The following PRMT9 variants were observed in gnomAD, a reference collection of about 807,000 sequenced individuals.
PRMT9 encodes the protein protein arginine N-methyltransferase 9.
A neutral mutation model predicts 83.2 loss-of-function variants in PRMT9; 59 were observed. That is an observed-to-expected ratio of 0.71 (90% CI 0.57 to 0.88). The LOEUF is 0.88. Ranked by LOEUF, PRMT9 falls within the 40% of genes least tolerant of loss-of-function variation. The probability of loss-of-function intolerance (pLI) is 0.00; values close to 1 mark genes in which losing one functional copy is unlikely to be tolerated. For missense variants in PRMT9, 947 were observed against 1,021.9 expected, an observed-to-expected ratio of 0.93 and a Z score of 1.00; for synonymous variants, 333 against 353.2, an observed-to-expected ratio of 0.94 and a Z score of 0.64.
chr4:147,650,501 A>G (rs1734020674), intron 9 of PRMT9, among the ~76,000 whole-genome samples: 1 of 152,240 alleles, frequency 6.6e-6, no homozygotes, highest in South Asian at 2.1e-4. Flanking sequence ...TTGTACACTG[A>G]AAACTATAAA....
intron 6 of PRMT9, among the ~76,000 whole-genome samples, chr4:147,663,891 G>A (rs967730826): frequency 1.3e-5 from 2 of 151,938 alleles, no homozygotes; most frequent in African/African-American, 2.4e-5. Flanking sequence ...TATTCATCAT[G>A]CCTATTTATC....
At chr4:147,670,814 G>A in intron 4 of PRMT9, 71 bp from the exon 5 acceptor site, 2 of 972,238 alleles carry the variant, frequency 2.1e-6, no homozygotes, top group Non-Finnish European at 3.3e-6. Flanking sequence ...TCAAAGCTGA[G>A]AGGAGAAAGG....
chr4:147,668,987 G>C (rs987825351), intron 5 of PRMT9, among the ~76,000 whole-genome samples: 3 of 152,112 alleles, frequency 2.0e-5, no homozygotes, highest in Non-Finnish European at 4.4e-5. Context: ...TTGGGAGGCT[G>C]AGGCAGGAGA....
intron 1 of PRMT9, among the ~76,000 whole-genome samples, chr4:147,681,522 C>T (rs1736468155): frequency 6.6e-6 from 1 of 152,196 alleles, no homozygotes; most frequent in African/African-American, 2.4e-5. Flanking sequence ...CACGGTGGCT[C>T]ATGCCTGTAA....
chr4:147,677,287 C>T (rs1449551164), intron 2 of PRMT9, among the ~76,000 whole-genome samples: 2 of 151,332 alleles, frequency 1.3e-5, no homozygotes, highest in East Asian at 1.9e-4. Context: ...ATGGAGAGTA[C>T]ACAAAAATTC....
chr4:147,672,395 C>T (rs1315117199), intron 4 of PRMT9, among the ~76,000 whole-genome samples: 1 of 152,200 alleles, frequency 6.6e-6, no homozygotes, highest in Non-Finnish European at 1.5e-5. Context: ...TAGTGTGGAA[C>T]CAGATCATTT....
In PRMT9 at chr4:147,639,033, A is replaced by C; in HGVS notation, c.2249T>G (p.Leu750Ter). The change falls in exon 11 of 12, where the codon TTA becomes TGA. Residue 750 changes from leucine to a stop codon, truncating the protein, a stop_gained. Transcript: ENST00000322396. LOFTEE classifies it high-confidence loss of function. The stretch of plus-strand genomic sequence containing the variant: ...TCTTAAGAGTTCCACTGGCTTGCTT[A>C]AAGGTATACAGGGCAATGAGGATAG... ...LDLSSLPCIP[L>*]SKPVELLRLD... The C allele has an allele frequency of 6.2e-7, 1 of 1,612,948 alleles. No homozygotes were observed. Among genetic ancestry groups the C allele is most frequent in the African/African-American group, 1.3e-5 (1 of 75,028 alleles).
chr4:147,662,346 A>G (rs1267087804), intron 6 of PRMT9, among the ~76,000 whole-genome samples: 1 of 152,216 alleles, frequency 6.6e-6, no homozygotes, highest in African/African-American at 2.4e-5. Context: ...GGCACTGGTA[A>G]AGAGATGGGG....
chr4:147,660,257 A>C (rs921001631), intron 7 of PRMT9, among the ~76,000 whole-genome samples: 1 of 152,222 alleles, frequency 6.6e-6, no homozygotes, highest in African/African-American at 2.4e-5. Flanking sequence ...AGTATGTCAT[A>C]AGAGCTGCCT....
At chr4:147,679,819 C>T (rs1055461833) in intron 2 of PRMT9, among the ~76,000 whole-genome samples, 6 of 152,174 alleles carry the variant, frequency 3.9e-5, no homozygotes, top group Admixed American at 2.0e-4. Flanking sequence ...GCTTGTCTAG[C>T]ACCAAGCTCC....
Position 147,657,946 on chromosome 4 carries a change from A to C in PRMT9, c.1176T>G (p.Pro392=), listed in dbSNP as rs1425239701. 6.2e-7 allele frequency: 1 copy of C among 1,607,156 alleles called. No homozygotes were observed. The highest frequency in any genetic ancestry group is 1.1e-5 in the South Asian group (1 of 90,612). ...QELKSLATKK[P]DKIGIPVIKE... ...TAATAACAGGAATACCAATCTTATCAGGCTTTTTAGTTGCAAGACTTTTTA... is the reference window on the plus strand; with the variant it reads ...TAATAACAGGAATACCAATCTTATCCGGCTTTTTAGTTGCAAGACTTTTTA... The change falls in exon 8 of 12, where the codon CCT becomes CCG. Residue 392 remains proline (P), a synonymous_variant. Transcript: ENST00000322396.
At chr4:147,674,700 T>G (rs549104391) in intron 2 of PRMT9, among the ~76,000 whole-genome samples, 1 of 152,350 alleles carries the variant, frequency 6.6e-6, no homozygotes, top group Non-Finnish European at 1.5e-5. Context: ...CATATGGAGC[T>G]CACGTAATAT....
At chr4:147,683,457 T>C (rs1410967469) in intron 1 of PRMT9, among the ~76,000 whole-genome samples, 5 of 152,132 alleles carry the variant, frequency 3.3e-5, no homozygotes, top group Non-Finnish European at 7.4e-5. Flanking sequence ...AAGGGGAAGA[T>C]GGTGAGAACT....
chr4:147,657,441 C>T (rs886272335), intron 8 of PRMT9, among the ~76,000 whole-genome samples: 8 of 151,478 alleles, frequency 5.3e-5, no homozygotes, highest in Non-Finnish European at 1.2e-4. Flanking sequence ...AGGAGAATGG[C>T]GTGAACCCGG....
At chr4:147,650,136 C>A (rs1303562223) in intron 9 of PRMT9, among the ~76,000 whole-genome samples, 3 of 152,186 alleles carry the variant, frequency 2.0e-5, no homozygotes, top group Non-Finnish European at 4.4e-5. Context: ...AAGATGCCCA[C>A]TCTTTCCACT....
intron 4 of PRMT9, among the ~76,000 whole-genome samples, chr4:147,671,692 T>A (rs1199712012): frequency 6.6e-6 from 1 of 152,204 alleles, no homozygotes; most frequent in Non-Finnish European, 1.5e-5. Context: ...TACCTTGAGG[T>A]CTAGACATTT....
chr4:147,658,281 T>C (rs1179983082), intron 7 of PRMT9, among the ~76,000 whole-genome samples: 2 of 150,848 alleles, frequency 1.3e-5, no homozygotes, highest in African/African-American at 4.9e-5. Context: ...TTGTTTTGTT[T>C]AGAAAATAGA....
rs1735500007 is a variant in PRMT9, at chr4:147,668,530, T to A, written c.953+9A>T. 2.0e-6 allele frequency: 3 copies of A among 1,502,530 alleles called. No individual in the cohort carries two copies. Among genetic ancestry groups the A allele is most frequent in the Admixed American group, 1.7e-5 (1 of 59,854 alleles). 93.1% of individuals were successfully genotyped at this position (1,502,530 alleles called of 1,614,324 possible). A position where few individuals can be genotyped will look rare whatever the true frequency, so the allele number is the denominator to read the frequency against. On this transcript the variant is annotated intron_variant, in intron 6 of 11. Coordinates refer to ENST00000322396, the MANE Select transcript of PRMT9 (RefSeq NM_138364.4). ...TTATAGCAGTGTGAAAATGGACTAA[T>A]ACACTTACCTATGATGTCTTCTTAT...
intron 9 of PRMT9, among the ~76,000 whole-genome samples, chr4:147,650,824 C>CG (rs1338444728): frequency 6.6e-6 from 1 of 152,064 alleles, no homozygotes; most frequent in Non-Finnish European, 1.5e-5. Flanking sequence ...GAGCCCAAGG[C>CG]GGGCACGGTG....
Sources: gnomAD v4.1 joint callset for allele counts (sites outside exome capture counted in the v4.1 genomes callset) on GRCh38, gnomAD v4.1.1 for gene constraint, MANE v1.5 for transcripts, NCBI Gene and HGNC (gene_info 2026-07-23, HGNC 2026-07-21) for gene names.